The following TENM2 variants were observed in gnomAD, a reference collection of about 807,000 sequenced individuals.
TENM2 encodes teneurin-2.
TENM2 carries 52 observed loss-of-function variants against 245.2 expected under a neutral mutation model. The ratio of observed to expected loss-of-function variants is 0.21; its 90% confidence interval spans 0.17 to 0.27. TENM2 has a LOEUF of 0.27. Ranked by LOEUF, TENM2 falls within the 10% of genes least tolerant of loss-of-function variation. The pLI is 1.00. For missense variants in TENM2, 3,046 were observed against 3,666.8 expected, an observed-to-expected ratio of 0.83 and a Z score of 4.37; for synonymous variants, 1,363 against 1,438.9, an observed-to-expected ratio of 0.95 and a Z score of 1.19.
intron 1 of TENM2, among the ~76,000 whole-genome samples, chr5:167,356,053 G>C (rs975015016): frequency 6.6e-6 from 1 of 150,862 alleles, no homozygotes; most frequent in Non-Finnish European, 1.5e-5. Flanking sequence ...ATGATGGCGG[G>C]TGCCTGTAAT....
At chr5:167,190,979 G>A in the TENM2 span, among the ~76,000 whole-genome samples, 1 of 151,912 alleles carries the variant, frequency 6.6e-6, no homozygotes, top group African/African-American at 2.4e-5. Flanking sequence ...TGTGTAACTG[G>A]TAAATATTTT....
At chr5:167,815,549 T>C (rs543180682) in intron 2 of TENM2, among the ~76,000 whole-genome samples, 1 of 152,274 alleles carries the variant, frequency 6.6e-6, no homozygotes, top group East Asian at 1.9e-4. Flanking sequence ...CAAGTTACAA[T>C]AAGAGGCCAT....
the TENM2 span, among the ~76,000 whole-genome samples, chr5:167,035,286 GA>G: frequency 6.6e-6 from 1 of 152,072 alleles, no homozygotes; most frequent in Non-Finnish European, 1.5e-5. Context: ...GAATTTTCAT[GA>G]GTCAATATAC....
chr5:167,366,295 T>G (rs1207563446), intron 1 of TENM2, among the ~76,000 whole-genome samples: 2 of 152,158 alleles, frequency 1.3e-5, no homozygotes, highest in Non-Finnish European at 2.9e-5. Flanking sequence ...GGCACATTCC[T>G]AGAAAATTTA....
intron 13 of TENM2, among the ~76,000 whole-genome samples, chr5:168,178,246 C>T (rs775836510): frequency 6.6e-5 from 10 of 152,214 alleles, no homozygotes; most frequent in Non-Finnish European, 1.0e-4. Context: ...CACCCCCTGC[C>T]GGGCCTCGGC....
At chr5:168,223,888 C>T (rs1288291698) in intron 23 of TENM2, among the ~76,000 whole-genome samples, 3 of 151,484 alleles carry the variant, frequency 2.0e-5, no homozygotes, top group African/African-American at 7.3e-5. Context: ...AGAATTTCTG[C>T]TCCATATAGA....
chr5:168,077,019 A>G (rs998876072), intron 7 of TENM2, among the ~76,000 whole-genome samples: 19 of 152,104 alleles, frequency 1.2e-4, no homozygotes, highest in African/African-American at 4.1e-4. Flanking sequence ...CAGCCCCACC[A>G]CTTACTAACT....
the TENM2 span, among the ~76,000 whole-genome samples, chr5:167,058,373 T>A: frequency 2.6e-5 from 4 of 152,228 alleles, no homozygotes; most frequent in Admixed American, 2.6e-4. Context: ...CAATATATGA[T>A]GACTTTTACA....
rs142810914 is a variant in TENM2 at position 167,555,280 on chromosome 5, G to A, written c.502+179807G>A. On this transcript the variant is annotated intron_variant, in intron 2 of 28. Transcript: ENST00000518659. ...GTTTGGCCTTAAAAATAGTTTTGAC[G>A]AATGAATTTTAAAAAGCCCTCTGAG... Among the ~76,000 whole-genome samples, 6 of 152,250 alleles carry A rather than the reference G, an allele frequency of 3.9e-5. No individual in the cohort carries two copies. In the East Asian group the frequency reaches 9.7e-4, roughly 25 times the overall value.
chr5:167,904,726 TA>T (rs1775957237), intron 3 of TENM2, among the ~76,000 whole-genome samples: 1 of 151,926 alleles, frequency 6.6e-6, no homozygotes, highest in African/African-American at 2.4e-5. Flanking sequence ...GCCCAATGTA[TA>T]AAACATTTTT....
At chr5:167,355,244 G>T (rs1336586830) in intron 1 of TENM2, among the ~76,000 whole-genome samples, 1 of 152,160 alleles carries the variant, frequency 6.6e-6, no homozygotes, top group Non-Finnish European at 1.5e-5. Flanking sequence ...TTCTTGGGGA[G>T]ACTTAAGTAC....
At chr5:167,809,191 C>T (rs149028912) in intron 2 of TENM2, among the ~76,000 whole-genome samples, 6 of 152,212 alleles carry the variant, frequency 3.9e-5, no homozygotes, top group African/African-American at 1.4e-4. Context: ...CTCTTGCTCC[C>T]GAGAAGAGAG....
chr5:167,750,965 A>T (rs1424999904), intron 2 of TENM2, among the ~76,000 whole-genome samples: 1 of 152,186 alleles, frequency 6.6e-6, no homozygotes, highest in East Asian at 1.9e-4. Context: ...CATCAGGAGG[A>T]CCTGACTTGC....
intron 2 of TENM2, among the ~76,000 whole-genome samples, chr5:167,441,571 A>C (rs1340360326): frequency 6.8e-6 from 1 of 146,720 alleles, no homozygotes; most frequent in Non-Finnish European, 1.5e-5. Context: ...TATCATATTC[A>C]ATGGGGAAAA....
At chr5:167,535,157 T>C (rs777654987) in intron 2 of TENM2, among the ~76,000 whole-genome samples, 6 of 151,936 alleles carry the variant, frequency 3.9e-5, no homozygotes, top group African/African-American at 7.2e-5. Context: ...GTCCACAGGG[T>C]ACACAACATA....
intron 5 of TENM2, among the ~76,000 whole-genome samples, chr5:167,995,884 A>G (rs1159104718): frequency 6.6e-6 from 1 of 152,200 alleles, no homozygotes; most frequent in Non-Finnish European, 1.5e-5. Flanking sequence ...ACAAGCCATC[A>G]GGGAAGGGCA....
chr5:167,200,825 G>T, the TENM2 span, among the ~76,000 whole-genome samples: 1 of 152,084 alleles, frequency 6.6e-6, no homozygotes, highest in Non-Finnish European at 1.5e-5. Context: ...TAACATTAAA[G>T]AATATCTCAT....
In TENM2 at chr5:168,184,208, C is replaced by A. The variant is rs529265128; in HGVS notation, c.2570-6129C>A. Reference sequence around the variant, plus strand: ...TGTTTTTAACCAATCCACTCTATGGCTTCCTGGCCCAATGAGTAGGAAAGG... The same window carrying A: ...TGTTTTTAACCAATCCACTCTATGGATTCCTGGCCCAATGAGTAGGAAAGG... On this transcript the variant is annotated intron_variant, in intron 13 of 28. Coordinates refer to ENST00000518659, the Ensembl canonical transcript of TENM2. Among the ~76,000 whole-genome samples the A allele has an allele frequency of 3.9e-5, 6 of 152,330 alleles. No homozygotes were observed. In the South Asian group the frequency reaches 1.2e-3, roughly 32 times the overall value.
At chr5:168,263,337 T>A (rs1768381353), downstream of TENM2, 1 of 154,190 alleles carries the variant, frequency 6.5e-6, no homozygotes. Context: ...GACAAACCAC[T>A]CAGACTGCTT....
Sources: allele counts gnomAD v4.1 joint callset (sites outside exome capture counted in the v4.1 genomes callset), GRCh38; gene constraint gnomAD v4.1.1; transcripts MANE v1.5; gene names NCBI Gene and HGNC (gene_info 2026-07-23, HGNC 2026-07-21).